OSBPL6: variants seen among roughly 807,000 people sequenced by gnomAD.
OSBPL6 encodes the protein oxysterol binding protein like 6.
A neutral mutation model predicts 125.8 loss-of-function variants in OSBPL6; 49 were observed. The ratio of observed to expected loss-of-function variants is 0.39; its 90% confidence interval spans 0.31 to 0.49. The LOEUF (loss-of-function observed/expected upper bound fraction) is 0.49, where lower values mean the gene tolerates loss of function less well. OSBPL6 is among the 20% of genes least tolerant of loss of function. The pLI is 0.88. For missense variants in OSBPL6, 986 were observed against 1,135.4 expected (o/e 0.87, Z 1.89); for synonymous variants, 394 against 391.8 (o/e 1.01, Z -0.07).
In OSBPL6 at chr2:178,331,580, T is replaced by TA; in HGVS notation, c.350dup (p.Tyr118ValfsTer27). The TA allele has an allele frequency of 6.2e-7, 1 of 1,614,138 alleles. No individual in the cohort carries two copies. Among genetic ancestry groups the TA allele is most frequent in the Non-Finnish European group, 8.5e-7 (1 of 1,179,984 alleles). On this transcript the variant is annotated frameshift_variant, in exon 6 of 25. Transcript: ENST00000190611. LOFTEE classifies it high-confidence loss of function. The stretch of plus-strand genomic sequence containing the variant: ...TTTTTTGTCCTGGATAATGGAATGT[T>TA]AAAGTATTCAAAGGCACCACTCGAT...
At chr2:178,295,736 A>G (rs896741260) in intron 2 of OSBPL6, among the ~76,000 whole-genome samples, 18 of 152,068 alleles carry the variant, frequency 1.2e-4, no homozygotes, top group African/African-American at 4.3e-4. Context: ...GTGTTTATAT[A>G]ATAAAAATTG....
At chr2:178,369,029 T>C (rs1216099085) in intron 13 of OSBPL6, among the ~76,000 whole-genome samples, 2 of 152,168 alleles carry the variant, frequency 1.3e-5, no homozygotes, top group Non-Finnish European at 2.9e-5. Flanking sequence ...ACTCCTGACC[T>C]CAAGTGATCC....
At chr2:178,284,867 TGA>T in intron 1 of OSBPL6, 58 bp from the exon 2 acceptor site, 1 of 394,182 alleles carries the variant, frequency 2.5e-6, no homozygotes. Flanking sequence ...GCAGTCCCCG[TGA>T]GAGGCTCACG....
At chr2:178,270,309 A>T (rs1444635199) in intron 1 of OSBPL6, among the ~76,000 whole-genome samples, 1 of 152,222 alleles carries the variant, frequency 6.6e-6, no homozygotes, top group African/African-American at 2.4e-5. Flanking sequence ...TGAATCTGGA[A>T]ATATGTGCAA....
chr2:178,242,095 C>T (rs1324248792), intron 1 of OSBPL6, among the ~76,000 whole-genome samples: 3 of 152,200 alleles, frequency 2.0e-5, no homozygotes, highest in African/African-American at 7.2e-5. Flanking sequence ...TTTCTCAGAA[C>T]ATATCCTTTT....
At chr2:178,326,351 A>G (rs1179471093) in intron 4 of OSBPL6, among the ~76,000 whole-genome samples, 1 of 152,158 alleles carries the variant, frequency 6.6e-6, no homozygotes, top group Non-Finnish European at 1.5e-5. Context: ...TTGTTATTAG[A>G]TTAAAAGTAT....
intron 3 of OSBPL6, among the ~76,000 whole-genome samples, chr2:178,322,006 C>A (rs1216130161): frequency 2.6e-5 from 4 of 152,174 alleles, no homozygotes; most frequent in Admixed American, 2.6e-4. Context: ...TGGTTGCTAA[C>A]TAACCCTTCT....
rs1696024858 is a variant in OSBPL6 at position 178,399,273 on chromosome 2, C to T, written c.*3714C>T. 6.6e-6 allele frequency: 1 copy of T among 151,774 alleles called. No homozygotes were observed. Among genetic ancestry groups the T allele is most frequent in the East Asian group, 1.9e-4 (1 of 5,190 alleles). 9.4% of individuals were successfully genotyped at this position (151,774 alleles called of 1,614,324 possible). A position where few individuals can be genotyped will look rare whatever the true frequency, so the allele number is the denominator to read the frequency against. The stretch of plus-strand genomic sequence containing the variant: ...TTAAAGTATTTGGGGTTTTTTTTCC[C>T]CAAAAGCTTCCCAGTTGTTTAGAAA... On this transcript the variant is annotated 3_prime_UTR_variant, in exon 25 of 25. Coordinates refer to ENST00000190611, the MANE Select transcript of OSBPL6 (RefSeq NM_032523.4).
intron 5 of OSBPL6, among the ~76,000 whole-genome samples, chr2:178,330,337 C>T (rs914521402): frequency 1.3e-5 from 2 of 152,124 alleles, no homozygotes; most frequent in East Asian, 1.9e-4. Context: ...CTTTCTAGAC[C>T]GTGCCTTTGA....
chr2:178,245,886 A>G (rs2091469722), intron 1 of OSBPL6, among the ~76,000 whole-genome samples: 1 of 152,140 alleles, frequency 6.6e-6, no homozygotes, highest in South Asian at 2.1e-4. Context: ...TCCATAGTAC[A>G]TCCTATAGGA....
Position 178,317,479 on chromosome 2 carries a change from T to G in OSBPL6, c.103-6698T>G, listed in dbSNP as rs1482127365. On this transcript the variant is annotated intron_variant, in intron 3 of 24. Transcript: ENST00000190611. ...ATATATATATATATATATATATATATAGAATAATTATTCATTCATTCAGCA... is the reference window on the plus strand; with the variant it reads ...ATATATATATATATATATATATATAGAGAATAATTATTCATTCATTCAGCA... 4.2e-5 allele frequency among the ~76,000 whole-genome samples: 5 copies of G among 118,628 alleles called. No homozygotes were observed. In the East Asian group the frequency reaches 1.0e-3, roughly 24 times the overall value. 77.8% of individuals were successfully genotyped at this position (118,628 alleles called of 152,430 possible). A position where few individuals can be genotyped will look rare whatever the true frequency, so the allele number is the denominator to read the frequency against.
chr2:178,248,743 T>G (rs2091581337), intron 1 of OSBPL6, among the ~76,000 whole-genome samples: 1 of 152,082 alleles, frequency 6.6e-6, no homozygotes, highest in South Asian at 2.1e-4. Context: ...GAGGAAGAGA[T>G]GAGAATTATC....
Position 178,402,642 on chromosome 2 carries a change from G to A in OSBPL6, c.*7083G>A, listed in dbSNP as rs1696130482. 1 of 152,206 alleles carries A rather than the reference G, an allele frequency of 6.6e-6. No individual in the cohort carries two copies. The highest frequency in any genetic ancestry group is 1.5e-5 in the Non-Finnish European group (1 of 68,036). 9.4% of individuals were successfully genotyped at this position (152,206 alleles called of 1,614,324 possible). A position where few individuals can be genotyped will look rare whatever the true frequency, so the allele number is the denominator to read the frequency against. On this transcript the variant is annotated 3_prime_UTR_variant, in exon 25 of 25. Transcript: ENST00000190611. Reference sequence around the variant, plus strand: ...TAGAAGGTATGAAGACAGTAGTTATGTACTGTTCGTTTGCATACGGTCATT... The same window carrying A: ...TAGAAGGTATGAAGACAGTAGTTATATACTGTTCGTTTGCATACGGTCATT...
chr2:178,300,478 G>A (rs541994297), intron 2 of OSBPL6, among the ~76,000 whole-genome samples: 1 of 152,314 alleles, frequency 6.6e-6, no homozygotes. Flanking sequence ...CGGGGGCAGC[G>A]GGGACAGGGT....
intron 3 of OSBPL6, among the ~76,000 whole-genome samples, chr2:178,308,262 G>A (rs772183427): frequency 2.6e-5 from 4 of 152,148 alleles, no homozygotes; most frequent in Non-Finnish European, 5.9e-5. Context: ...CTCAATCACT[G>A]CCTAAACCTC....
At chr2:178,337,949 C>CTTTTTTGTTTTTTTTT (rs1553560745) in intron 9 of OSBPL6, among the ~76,000 whole-genome samples, 1 of 139,150 alleles carries the variant, frequency 7.2e-6, no homozygotes, top group Non-Finnish European at 1.5e-5. Flanking sequence ...TCAGTATTCT[C>CTTTTTTGTTTTTTTTT]TTTTTTTTTT....
chr2:178,238,274 C>G (rs2091143877), intron 1 of OSBPL6, among the ~76,000 whole-genome samples: 1 of 152,144 alleles, frequency 6.6e-6, no homozygotes, highest in South Asian at 2.1e-4. Flanking sequence ...CTCATGCCGC[C>G]CTGCTCTGTC....
intron 1 of OSBPL6, among the ~76,000 whole-genome samples, chr2:178,241,837 A>G (rs148946830): frequency 3.3e-5 from 5 of 152,350 alleles, no homozygotes; most frequent in Non-Finnish European, 5.9e-5. Flanking sequence ...TGGACTGCAT[A>G]TATGACAGTG....
At position 178,229,996 on chromosome 2, in the gene OSBPL6, C is replaced by G. The variant is rs555740192; in HGVS notation, c.-351+35322C>G. Among the ~76,000 whole-genome samples the G allele has an allele frequency of 2.6e-5, 4 of 152,324 alleles. No individual in the cohort carries two copies. In the South Asian group the frequency reaches 6.2e-4, roughly 24 times the overall value. ...CTAGAAATGGACCAGCCCTCAGTCT[C>G]TCTGCCTTTTTGCTCAACCATCACT... is the stretch of plus-strand genomic sequence containing the variant. On this transcript the variant is annotated intron_variant, in intron 1 of 24. Coordinates refer to ENST00000190611, the MANE Select transcript of OSBPL6 (RefSeq NM_032523.4).
Sources: allele counts gnomAD v4.1 joint callset (sites outside exome capture counted in the v4.1 genomes callset), GRCh38; gene constraint gnomAD v4.1.1; transcripts MANE v1.5; gene names NCBI Gene and HGNC (gene_info 2026-07-23, HGNC 2026-07-21).